The following PRKCA variants were observed in gnomAD, a reference collection of about 807,000 sequenced individuals.
PRKCA encodes the protein protein kinase C alpha, also known as protein kinase C alpha type.
In PRKCA, 27 loss-of-function variants were observed where a neutral mutation model predicts 87.0. The observed-to-expected ratio is 0.31, with a 90% CI of 0.23 to 0.43. PRKCA has a LOEUF of 0.43. Among genes scored for constraint, PRKCA ranks in the 20% least tolerant of loss-of-function variants. PRKCA has a pLI of 1.00. For missense variants in PRKCA, 518 were observed against 852.3 expected, an observed-to-expected ratio of 0.61 and a Z score of 4.88; for synonymous variants, 329 against 311.1, an observed-to-expected ratio of 1.06 and a Z score of -0.61.
intron 3 of PRKCA, among the ~76,000 whole-genome samples, chr17:66,502,861 A>AT (rs1485775513): frequency 1.7e-4 from 26 of 151,316 alleles, no homozygotes; most frequent in Admixed American, 9.9e-4. Context: ...GGGTTTCACC[A>AT]TGTTAGCCAG....
At chr17:66,591,902 C>T (rs1481351078) in intron 3 of PRKCA, among the ~76,000 whole-genome samples, 12 of 152,138 alleles carry the variant, frequency 7.9e-5, no homozygotes, top group Admixed American at 6.5e-5. Flanking sequence ...AGCCAGTTGC[C>T]TTTGCTCTTA....
intron 2 of PRKCA, among the ~76,000 whole-genome samples, chr17:66,478,038 C>T (rs1321227433): frequency 6.6e-6 from 1 of 152,034 alleles, no homozygotes; most frequent in Non-Finnish European, 1.5e-5. Context: ...GGACGTGCGC[C>T]CAGGAGACAG....
At chr17:66,353,124 G>A (rs1907850667) in intron 2 of PRKCA, among the ~76,000 whole-genome samples, 1 of 152,122 alleles carries the variant, frequency 6.6e-6, no homozygotes, top group South Asian at 2.1e-4. Context: ...CAGCTGGGTG[G>A]CTATGATTTG....
chr17:66,462,237 A>C (rs73996213), intron 2 of PRKCA, among the ~76,000 whole-genome samples: 9,683 of 152,132 alleles, frequency 0.064, 1,027 homozygotes, highest in African/African-American at 0.22. Context: ...CTTCTTCCTC[A>C]TTGTTTTATG....
At chr17:66,325,691 G>A (rs1905938941) in intron 2 of PRKCA, among the ~76,000 whole-genome samples, 1 of 152,130 alleles carries the variant, frequency 6.6e-6, no homozygotes. Context: ...GTAGAGAAGA[G>A]AGAAAAAGCC....
At chr17:66,514,657 A>G (rs1472479702) in intron 3 of PRKCA, among the ~76,000 whole-genome samples, 3 of 151,954 alleles carry the variant, frequency 2.0e-5, no homozygotes, top group Non-Finnish European at 4.4e-5. Flanking sequence ...TTTCATTCTC[A>G]TCTTTGTTAC....
chr17:66,452,028 G>A (rs1914349232), intron 2 of PRKCA, among the ~76,000 whole-genome samples: 1 of 152,216 alleles, frequency 6.6e-6, no homozygotes, highest in South Asian at 2.1e-4. Flanking sequence ...GCCTCCAGCA[G>A]ACATTTCATT....
intron 16 of PRKCA, among the ~76,000 whole-genome samples, chr17:66,801,567 T>G (rs1975898900): frequency 6.6e-6 from 1 of 152,244 alleles, no homozygotes; most frequent in South Asian, 2.1e-4. Flanking sequence ...ATGCCCTTAT[T>G]TATTTTTCAA....
intron 2 of PRKCA, among the ~76,000 whole-genome samples, chr17:66,486,231 C>T (rs575499154): frequency 6.6e-6 from 1 of 152,244 alleles, no homozygotes; most frequent in South Asian, 2.1e-4. Flanking sequence ...AAAGCAGTTA[C>T]CATTTAATGC....
At chr17:66,741,326 C>T (rs111557557) in intron 11 of PRKCA, among the ~76,000 whole-genome samples, 19 of 145,344 alleles carry the variant, frequency 1.3e-4, no homozygotes, top group African/African-American at 4.8e-4. Flanking sequence ...ATTTTCTTTA[C>T]GCCATACTCC....
At chr17:66,563,457 G>C (rs1968778684) in intron 3 of PRKCA, among the ~76,000 whole-genome samples, 1 of 152,126 alleles carries the variant, frequency 6.6e-6, no homozygotes, top group African/African-American at 2.4e-5. Context: ...CTTTCACTTA[G>C]TAATATGCAC....
At chr17:66,592,342 T>TAAAAAAAAAAAA (rs1969833211) in intron 3 of PRKCA, among the ~76,000 whole-genome samples, 1 of 23,930 alleles carries the variant, frequency 4.2e-5, no homozygotes, top group African/African-American at 5.9e-4. Context: ...GTGATCCGTC[T>TAAAAAAAAAAAA]CAAAAAAAAA....
chr17:66,712,314 C>A (rs1973351352), intron 8 of PRKCA, among the ~76,000 whole-genome samples: 5 of 152,180 alleles, frequency 3.3e-5, no homozygotes, highest in Admixed American at 2.6e-4. Context: ...GTCCTGGAAC[C>A]CTATTTGGGA....
Position 66,362,024 on chromosome 17 carries a change from CTCTTTCTT to C in PRKCA, c.205+55915_205+55922del, listed in dbSNP as rs149315256. Among the ~76,000 whole-genome samples the C allele has an allele frequency of 9.6e-3, 1,456 of 151,874 alleles. 11 individuals carry two copies. The highest frequency in any genetic ancestry group is 0.015 in the Non-Finnish European group (1,028 of 67,916). On this transcript the variant is annotated intron_variant, in intron 2 of 16. Transcript: ENST00000413366. ...CTTGCGTGTTCTAGAAGGGGTTGAG[CTCTTTCTT>C]TCTTTCTTTCTTTCTTTTTTGATAC...
At chr17:66,477,971 C>G (rs1405900221) in intron 2 of PRKCA, among the ~76,000 whole-genome samples, 2 of 152,102 alleles carry the variant, frequency 1.3e-5, no homozygotes, top group Non-Finnish European at 2.9e-5. Context: ...CTCTCTAAAC[C>G]AAAAAGTACC....
chr17:66,418,026 G>GGGCA (rs1343307113), intron 2 of PRKCA, among the ~76,000 whole-genome samples: 7 of 152,146 alleles, frequency 4.6e-5, no homozygotes, highest in Non-Finnish European at 1.0e-4. Flanking sequence ...ACCTCTTCAT[G>GGGCA]GGCAGTGAGG....
intron 3 of PRKCA, among the ~76,000 whole-genome samples, chr17:66,502,297 C>T (rs1206074180): frequency 6.6e-6 from 1 of 151,402 alleles, no homozygotes; most frequent in African/African-American, 2.4e-5. Context: ...TGCAGTGGCG[C>T]GATCTTGGCT....
At chr17:66,637,682 G>C (rs1197144369) in intron 3 of PRKCA, among the ~76,000 whole-genome samples, 3 of 152,170 alleles carry the variant, frequency 2.0e-5, no homozygotes, top group Non-Finnish European at 4.4e-5. Context: ...CCTCGCACCA[G>C]TGACACACTT....
chr17:66,519,227 G>A (rs1474418659), intron 3 of PRKCA, among the ~76,000 whole-genome samples: 1 of 152,062 alleles, frequency 6.6e-6, no homozygotes, highest in Non-Finnish European at 1.5e-5. Context: ...AAAGGAGCAA[G>A]CCGAAAGTTC....
Sources: allele counts gnomAD v4.1 joint callset (sites outside exome capture counted in the v4.1 genomes callset), GRCh38; gene constraint gnomAD v4.1.1; transcripts MANE v1.5; gene names NCBI Gene and HGNC (gene_info 2026-07-23, HGNC 2026-07-21).